MAPK10: variants seen among roughly 807,000 people sequenced by gnomAD.
MAPK10 encodes the protein JNK3 alpha protein kinase.
Under a neutral mutation model 59.3 loss-of-function variants are expected in MAPK10, and 25 were observed. The observed-to-expected ratio is 0.42, with a 90% CI of 0.31 to 0.59. The LOEUF (loss-of-function observed/expected upper bound fraction) is 0.59, where lower values mean the gene tolerates loss of function less well. Ranked by LOEUF, MAPK10 falls within the 20% of genes least tolerant of loss-of-function variation. MAPK10 has a pLI of 0.15. For missense variants in MAPK10, 351 were observed against 568.9 expected, an observed-to-expected ratio of 0.62 and a Z score of 3.90; for synonymous variants, 190 against 200.5, an observed-to-expected ratio of 0.95 and a Z score of 0.44.
chr4:86,516,159 TTTTG>T (rs2149085398), intron 1 of MAPK10, among the ~76,000 whole-genome samples: 1 of 92,732 alleles, frequency 1.1e-5, no homozygotes, highest in South Asian at 2.9e-4. Flanking sequence ...CATTTTATGT[TTTTG>T]TTTACTTTGC....
chr4:86,277,137 C>CT (rs113070859), intron 2 of MAPK10: 1,904 of 143,602 alleles, frequency 0.013, 41 homozygotes, highest in African/African-American at 0.041. Flanking sequence ...TTGTGACCAT[C>CT]TTTTTTTTTT....
At chr4:86,282,295 T>C (rs1407419446) in intron 2 of MAPK10, among the ~76,000 whole-genome samples, 1 of 152,210 alleles carries the variant, frequency 6.6e-6, no homozygotes, top group Non-Finnish European at 1.5e-5. Context: ...ACAATGTTTA[T>C]GCATGGCTAA....
chr4:86,316,142 C>T (rs1020440627), intron 2 of MAPK10, among the ~76,000 whole-genome samples: 1 of 152,022 alleles, frequency 6.6e-6, no homozygotes, highest in Non-Finnish European at 1.5e-5. Context: ...CCTCCAGAAT[C>T]GATGCAAATC....
At chr4:86,228,776 T>A (rs1466541194) in intron 2 of MAPK10, among the ~76,000 whole-genome samples, 1 of 152,204 alleles carries the variant, frequency 6.6e-6, no homozygotes, top group African/African-American at 2.4e-5. Flanking sequence ...ATTAAATAAA[T>A]AAATATTTGT....
At chr4:86,229,414 A>T (rs1261640138) in intron 2 of MAPK10, among the ~76,000 whole-genome samples, 1 of 152,194 alleles carries the variant, frequency 6.6e-6, no homozygotes, top group Non-Finnish European at 1.5e-5. Flanking sequence ...CCTACACCTG[A>T]AAAAGGAATT....
At chr4:86,118,354 T>G (rs998248932) in intron 4 of MAPK10, among the ~76,000 whole-genome samples, 1 of 152,102 alleles carries the variant, frequency 6.6e-6, no homozygotes, top group Non-Finnish European at 1.5e-5. Context: ...CAGGTAAAAA[T>G]GGAGATAGGT....
At chr4:86,425,845 C>T (rs1431293120) in intron 1 of MAPK10, among the ~76,000 whole-genome samples, 1 of 152,130 alleles carries the variant, frequency 6.6e-6, no homozygotes, top group Non-Finnish European at 1.5e-5. Context: ...GTGGCACATG[C>T]CTGTAATCCC....
At chr4:86,104,518 T>C (rs1223476906) in intron 5 of MAPK10, among the ~76,000 whole-genome samples, 2 of 152,160 alleles carry the variant, frequency 1.3e-5, no homozygotes, top group East Asian at 3.8e-4. Context: ...TGGGTCTGTT[T>C]CTCTAGGACT....
intron 9 of MAPK10, among the ~76,000 whole-genome samples, chr4:86,076,507 A>G (rs753414067): frequency 1.6e-4 from 25 of 152,228 alleles, no homozygotes; most frequent in Admixed American, 6.5e-4. Flanking sequence ...GCTTGTTTCA[A>G]GTATTCCAGT....
At chr4:86,367,927 A>G (rs1264332970) in intron 1 of MAPK10, among the ~76,000 whole-genome samples, 1 of 152,138 alleles carries the variant, frequency 6.6e-6, no homozygotes, top group African/African-American at 2.4e-5. Context: ...GGTGTTTTCT[A>G]TATTACATTA....
At chr4:86,452,086 AG>A (rs1416812258) in intron 1 of MAPK10, among the ~76,000 whole-genome samples, 1 of 152,228 alleles carries the variant, frequency 6.6e-6, no homozygotes. Context: ...TAAGTGTCAG[AG>A]TCAGGATTTG....
chr4:86,402,999 T>TC (rs1209206418), intron 1 of MAPK10, among the ~76,000 whole-genome samples: 2 of 152,054 alleles, frequency 1.3e-5, no homozygotes, highest in Non-Finnish European at 2.9e-5. Context: ...TATAGTGAGA[T>TC]CCTATGGCAC....
At chr4:86,440,335 G>T (rs1312444003) in intron 1 of MAPK10, among the ~76,000 whole-genome samples, 1 of 152,176 alleles carries the variant, frequency 6.6e-6, no homozygotes, top group Non-Finnish European at 1.5e-5. Context: ...AGTGTTGTTT[G>T]TGATATAAGA....
chr4:86,070,726 A>C (rs1343325914), intron 9 of MAPK10, among the ~76,000 whole-genome samples: 1 of 150,500 alleles, frequency 6.6e-6, no homozygotes, highest in Non-Finnish European at 1.5e-5. Flanking sequence ...TGAACTCATC[A>C]TTTTTTATGG....
At position 86,214,168 on chromosome 4, in the gene MAPK10, A is replaced by C. The variant is rs2086680495; in HGVS notation, c.-6-19761T>G. ...AATTGATACAGAAAAACCATTTGAC[A>C]AAATTCAACACCCTTTCATGATTTT... On this transcript the variant is annotated intron_variant, in intron 2 of 13. Transcript: ENST00000641462. 2.6e-5 allele frequency among the ~76,000 whole-genome samples: 4 copies of C among 152,254 alleles called. 1 individual carries two copies. The South Asian group carries it at 8.3e-4, about 32-fold the overall frequency.
chr4:86,493,188 C>T (rs1361495624), intron 1 of MAPK10, among the ~76,000 whole-genome samples: 3 of 152,132 alleles, frequency 2.0e-5, no homozygotes, highest in Non-Finnish European at 4.4e-5. Flanking sequence ...TAAATTTGTT[C>T]TCACCAGAAG....
At chr4:86,121,914 T>C (rs1713700086) in intron 4 of MAPK10, among the ~76,000 whole-genome samples, 1 of 152,152 alleles carries the variant, frequency 6.6e-6, no homozygotes, top group Non-Finnish European at 1.5e-5. Context: ...CACCATTCTA[T>C]TCTCTACTTC....
chr4:86,319,750 C>A (rs1428692017), intron 2 of MAPK10, among the ~76,000 whole-genome samples: 2 of 152,160 alleles, frequency 1.3e-5, no homozygotes, highest in Admixed American at 1.3e-4. Context: ...TCCCCAGGGG[C>A]AATCTTCAAT....
chr4:86,414,490 T>C (rs1381886485), intron 1 of MAPK10, among the ~76,000 whole-genome samples: 1 of 152,212 alleles, frequency 6.6e-6, no homozygotes, highest in Non-Finnish European at 1.5e-5. Context: ...TACCACTTTA[T>C]TACCATAAAG....
Sources: allele counts gnomAD v4.1 joint callset (sites outside exome capture counted in the v4.1 genomes callset), GRCh38; gene constraint gnomAD v4.1.1; transcripts MANE v1.5; gene names NCBI Gene and HGNC (gene_info 2026-07-23, HGNC 2026-07-21).